GSE1: variants seen among roughly 807,000 people sequenced by gnomAD.
GSE1 encodes Gse1 coiled-coil protein, also known as genetic suppressor element 1.
GSE1 carries 32 observed loss-of-function variants against 112.6 expected under a neutral mutation model. The observed-to-expected ratio is 0.28, with a 90% confidence interval of 0.21 to 0.38. The LOEUF is 0.38. Ranked by LOEUF, GSE1 falls within the 10% of genes least tolerant of loss-of-function variation. The pLI, the probability that GSE1 is intolerant of heterozygous loss-of-function variation, is 1.00. For synonymous variants in GSE1, 1,115 were observed against 735.6 expected, an observed-to-expected ratio of 1.52 and a Z score of -8.35; for missense variants, 2,348 against 1,699.2, an observed-to-expected ratio of 1.38 and a Z score of -6.71.
intron 2 of GSE1, among the ~76,000 whole-genome samples, chr16:85,383,539 CT>C (rs2047612209): frequency 2.6e-5 from 2 of 76,040 alleles, no homozygotes; most frequent in South Asian, 3.6e-4. Context: ...CTCTCTCTCT[CT>C]CTCTCTCTCT....
At chr16:85,178,910 A>T (rs1202684625) in intron 1 of GSE1, among the ~76,000 whole-genome samples, 2 of 151,692 alleles carry the variant, frequency 1.3e-5, no homozygotes, top group Non-Finnish European at 2.9e-5. Flanking sequence ...TACGTTGTCC[A>T]TTGTAGCAGC....
intron 2 of GSE1, among the ~76,000 whole-genome samples, chr16:85,442,141 C>T (rs2049390430): frequency 1.3e-5 from 2 of 152,200 alleles, no homozygotes; most frequent in South Asian, 4.1e-4. Flanking sequence ...GCCAAATATT[C>T]CCAGAACTTA....
intron 2 of GSE1, among the ~76,000 whole-genome samples, chr16:85,534,516 G>T (rs1476272511): frequency 1.3e-5 from 2 of 152,186 alleles, no homozygotes; most frequent in Non-Finnish European, 2.9e-5. Context: ...ACCCAGTGCA[G>T]CATCCTCAGA....
At chr16:85,211,379 G>T (rs2075222682) in intron 1 of GSE1, among the ~76,000 whole-genome samples, 1 of 151,176 alleles carries the variant, frequency 6.6e-6, no homozygotes, top group East Asian at 2.0e-4. Flanking sequence ...CCACTGGCAT[G>T]CAGGGCGGAG....
chr16:85,553,162 G>A (rs541853897), upstream of GSE1, among the ~76,000 whole-genome samples: 1 of 149,798 alleles, frequency 6.7e-6, no homozygotes, highest in South Asian at 2.1e-4. Flanking sequence ...CAGGGGCACA[G>A]ATCATGCAGC....
intron 1 of GSE1, among the ~76,000 whole-genome samples, chr16:85,202,425 G>A (rs894607104): frequency 6.6e-6 from 1 of 152,244 alleles, no homozygotes; most frequent in African/African-American, 2.4e-5. Context: ...GAGAGAGCGG[G>A]GGTGGGGCCC....
At chr16:85,350,961 G>A (rs1432391938) in intron 1 of GSE1, among the ~76,000 whole-genome samples, 1 of 152,296 alleles carries the variant, frequency 6.6e-6, no homozygotes, top group African/African-American at 2.4e-5. Context: ...TGCATTTTTA[G>A]TAGAGACAGG....
At chr16:85,526,898 C>A (rs1598070807) in intron 2 of GSE1, among the ~76,000 whole-genome samples, 1 of 152,320 alleles carries the variant, frequency 6.6e-6, no homozygotes, top group East Asian at 1.9e-4. Flanking sequence ...CAATTTTGTT[C>A]AGGATGAATT....
chr16:85,246,404 TACACAC>T (rs111501333), intron 1 of GSE1, among the ~76,000 whole-genome samples: 20 of 55,304 alleles, frequency 3.6e-4, no homozygotes, highest in African/African-American at 1.1e-3. Context: ...ACACGCTGTC[TACACAC>T]ACACACACAC....
At chr16:85,527,938 G>A (rs991846126) in intron 2 of GSE1, among the ~76,000 whole-genome samples, 4 of 152,182 alleles carry the variant, frequency 2.6e-5, no homozygotes, top group Non-Finnish European at 5.9e-5. Flanking sequence ...GGAGAAGGCC[G>A]TTCCTGGAAG....
intron 2 of GSE1, among the ~76,000 whole-genome samples, chr16:85,378,485 C>T (rs553102296): frequency 1.3e-5 from 2 of 152,336 alleles, no homozygotes; most frequent in East Asian, 3.9e-4. Context: ...CTCAGCCTCC[C>T]TGACTTCCCC....
intron 1 of GSE1, among the ~76,000 whole-genome samples, chr16:85,281,616 T>C (rs1054614920): frequency 2.9e-4 from 44 of 152,114 alleles, no homozygotes; most frequent in African/African-American, 1.0e-3. Context: ...CGATATGCAA[T>C]GCTCCAGAAA....
intron 1 of GSE1, among the ~76,000 whole-genome samples, chr16:85,346,143 T>C (rs537662466): frequency 8.8e-5 from 10 of 113,786 alleles, no homozygotes; most frequent in African/African-American, 3.5e-4. Context: ...GATGGGTAGA[T>C]GGATGGATAG....
intron 2 of GSE1, among the ~76,000 whole-genome samples, chr16:85,395,796 G>A (rs1023073807): frequency 1.2e-4 from 18 of 151,714 alleles, no homozygotes; most frequent in Admixed American, 2.0e-4. Flanking sequence ...CCTCCTGGGC[G>A]CCCGCCCACC....
intron 1 of GSE1, among the ~76,000 whole-genome samples, chr16:85,335,298 G>C (rs2046459350): frequency 6.6e-6 from 1 of 152,266 alleles, no homozygotes; most frequent in Admixed American, 6.5e-5. Context: ...TGGTGGCACT[G>C]CTGAGGCCGG....
At chr16:85,394,926 A>T (rs1048553417) in intron 2 of GSE1, among the ~76,000 whole-genome samples, 1 of 152,152 alleles carries the variant, frequency 6.6e-6, no homozygotes, top group East Asian at 1.9e-4. Flanking sequence ...TGGAAGCTCA[A>T]TGGGGCAGGC....
chr16:85,344,781 C>A (rs1377471344), intron 1 of GSE1, among the ~76,000 whole-genome samples: 3 of 152,190 alleles, frequency 2.0e-5, no homozygotes, highest in African/African-American at 7.2e-5. Flanking sequence ...ATGCCCTCAG[C>A]CCCAGCAGGA....
At chr16:85,504,959 C>T (rs1015888769) in intron 2 of GSE1, among the ~76,000 whole-genome samples, 8 of 152,184 alleles carry the variant, frequency 5.3e-5, no homozygotes, top group African/African-American at 7.2e-5. Flanking sequence ...GTCGCTGCAT[C>T]GAGAGTTCCT....
At position 85,298,306 on chromosome 16, in the gene GSE1, C is replaced by T. The variant is rs192077005; in HGVS notation, c.2284-59157C>T. 2.2e-3 allele frequency among the ~76,000 whole-genome samples: 332 copies of T among 152,320 alleles called. 6 individuals are homozygous for T. Among genetic ancestry groups the T allele is most frequent in the Admixed American group, 7.2e-4 (11 of 15,296 alleles). Reference sequence around the variant, plus strand: ...TCTCCAAGAGGCAAATTTGACATATCCAAGAAGAAGCGCTTTATCTCCACC... The same window carrying T: ...TCTCCAAGAGGCAAATTTGACATATTCAAGAAGAAGCGCTTTATCTCCACC... On this transcript the variant is annotated intron_variant, in intron 1 of 2. Coordinates refer to the GSE1 transcript ENST00000637419.
Sources: allele counts gnomAD v4.1 joint callset (sites outside exome capture counted in the v4.1 genomes callset), GRCh38; gene constraint gnomAD v4.1.1; transcripts MANE v1.5; gene names NCBI Gene and HGNC (gene_info 2026-07-23, HGNC 2026-07-21).